Variants in GNA14 observed in about 807,000 individuals in gnomAD.
GNA14 encodes G protein subunit alpha 14, also known as guanine nucleotide-binding protein subunit alpha-14.
GNA14 carries 50 observed loss-of-function variants against 42.0 expected under a neutral mutation model. That is an observed-to-expected ratio of 1.19 (90% CI 0.95 to 1.51). The LOEUF (loss-of-function observed/expected upper bound fraction) is 1.51, where lower values mean the gene tolerates loss of function less well. Among genes scored for constraint, GNA14 ranks in the 40% most tolerant of loss-of-function variants. The pLI is 0.00. For missense variants in GNA14, 473 were observed against 446.2 expected (o/e 1.06, Z -0.54); for synonymous variants, 173 against 163.1 (o/e 1.06, Z -0.46).
chr9:77,424,236 T>C (rs1043816405), intron 6 of GNA14, 67 bp from the exon 7 acceptor site: 9 of 1,141,034 alleles, frequency 7.9e-6, no homozygotes, highest in Admixed American at 4.3e-5. Context: ...AAGAACCTTT[T>C]TTTTGAGACA....
rs71358606 is a variant in GNA14, at chr9:77,501,713, C to CTTTTTT, written c.309+27350_309+27355dup. 5.3e-3 allele frequency among the ~76,000 whole-genome samples: 686 copies of CTTTTTT among 130,402 alleles called. 35 individuals carry two copies. The highest frequency in any genetic ancestry group is 0.019 in the African/African-American group (631 of 33,680). The allele number at this position is 130,402 out of a possible 152,430, so 85.5% of individuals were successfully genotyped here. On this transcript the variant is annotated intron_variant, in intron 2 of 6. Transcript: ENST00000341700. ...CTTTGTTGTTCAGATTGGATAATTT[C>CTTTTTT]TTTTTTTTTTTTTTTGAGATGGAGT...
At chr9:77,602,182 G>C (rs1162336979) in intron 1 of GNA14, among the ~76,000 whole-genome samples, 8 of 152,188 alleles carry the variant, frequency 5.3e-5, no homozygotes, top group Admixed American at 3.3e-4. Context: ...TTTGATTGCT[G>C]ACTGCCGTAA....
At chr9:77,534,568 T>C (rs979235459) in intron 1 of GNA14, among the ~76,000 whole-genome samples, 2 of 152,180 alleles carry the variant, frequency 1.3e-5, no homozygotes, top group African/African-American at 2.4e-5. Flanking sequence ...TCTGAAACCA[T>C]CGTGAGAAGC....
intron 2 of GNA14, among the ~76,000 whole-genome samples, chr9:77,515,983 A>AAAAAAAAAAAAAAAAAAAAAC (rs1276481734): frequency 1.4e-5 from 2 of 145,354 alleles, no homozygotes; most frequent in East Asian, 2.2e-4. Context: ...AAAAAAAAAA[A>AAAAAAAAAAAAAAAAAAAAAC]CCCAGAGCAG....
chr9:77,479,036 A>AT (rs1005909305), intron 2 of GNA14, among the ~76,000 whole-genome samples: 10 of 152,138 alleles, frequency 6.6e-5, no homozygotes, highest in Admixed American at 1.3e-4. Context: ...ATTAGATCCC[A>AT]TTTGTCAATT....
At chr9:77,460,077 A>G (rs968525680) in intron 2 of GNA14, among the ~76,000 whole-genome samples, 1 of 152,058 alleles carries the variant, frequency 6.6e-6, no homozygotes, top group East Asian at 1.9e-4. Context: ...AATTCTTCCA[A>G]ACTCTAGTGA....
chr9:77,426,973 G>T (rs968780381), intron 5 of GNA14, among the ~76,000 whole-genome samples: 1 of 152,100 alleles, frequency 6.6e-6, no homozygotes, highest in Non-Finnish European at 1.5e-5. Context: ...AGTACGCATT[G>T]GGGGAATTAC....
At chr9:77,456,073 T>C (rs1835994463) in intron 2 of GNA14, among the ~76,000 whole-genome samples, 1 of 152,242 alleles carries the variant, frequency 6.6e-6, no homozygotes. Flanking sequence ...GAGCCATTAT[T>C]GTGACCACCT....
At chr9:77,508,831 G>A (rs1837112173) in intron 2 of GNA14, among the ~76,000 whole-genome samples, 1 of 152,206 alleles carries the variant, frequency 6.6e-6, no homozygotes, top group Admixed American at 6.5e-5. Context: ...GGATGCAGAA[G>A]TAGCTTGAAG....
At chr9:77,620,106 A>G (rs1823897407) in intron 1 of GNA14, among the ~76,000 whole-genome samples, 1 of 152,156 alleles carries the variant, frequency 6.6e-6, no homozygotes, top group Non-Finnish European at 1.5e-5. Flanking sequence ...ACACGTGCAC[A>G]CACACACACA....
chr9:77,498,539 AT>A (rs1477396831), intron 2 of GNA14, among the ~76,000 whole-genome samples: 1 of 152,200 alleles, frequency 6.6e-6, no homozygotes, highest in African/African-American at 2.4e-5. Flanking sequence ...CCTAAGAGCC[AT>A]CTCCTAGGGT....
chr9:77,644,695 G>A (rs1187748037), intron 1 of GNA14, among the ~76,000 whole-genome samples: 2 of 136,294 alleles, frequency 1.5e-5, no homozygotes, highest in African/African-American at 6.8e-5. Context: ...AGCCATATCT[G>A]TTAAATGCTC....
chr9:77,448,227 A>C (rs546235624), intron 2 of GNA14, among the ~76,000 whole-genome samples: 2 of 152,238 alleles, frequency 1.3e-5, no homozygotes, highest in East Asian at 3.9e-4. Context: ...AGCCATTTAC[A>C]GAAAATGTTT....
At chr9:77,601,085 C>T (rs946648591) in intron 1 of GNA14, among the ~76,000 whole-genome samples, 1 of 152,226 alleles carries the variant, frequency 6.6e-6, no homozygotes, top group African/African-American at 2.4e-5. Flanking sequence ...GGAGCGTGGG[C>T]TCTTCAGCTC....
intron 2 of GNA14, among the ~76,000 whole-genome samples, chr9:77,468,085 G>C (rs933883151): frequency 6.6e-6 from 1 of 152,188 alleles, no homozygotes; most frequent in African/African-American, 2.4e-5. Flanking sequence ...CCCTCTCAGA[G>C]GGGTCCTAGA....
At chr9:77,569,514 C>CT (rs890128913) in intron 1 of GNA14, among the ~76,000 whole-genome samples, 12 of 152,116 alleles carry the variant, frequency 7.9e-5, no homozygotes, top group African/African-American at 2.9e-4. Context: ...ACAGCTCCTG[C>CT]TCCCCAGGAG....
intron 1 of GNA14, among the ~76,000 whole-genome samples, chr9:77,595,836 G>C: frequency 6.6e-6 from 1 of 152,098 alleles, no homozygotes; most frequent in Non-Finnish European, 1.5e-5. Flanking sequence ...AAGGCAGTTA[G>C]GGATGTTTTC....
intron 1 of GNA14, among the ~76,000 whole-genome samples, chr9:77,579,013 C>T (rs1478170374): frequency 6.6e-6 from 1 of 152,206 alleles, no homozygotes; most frequent in Non-Finnish European, 1.5e-5. Flanking sequence ...TGCTGGGCCA[C>T]TGCCTCTGCT....
rs748840968 is a variant in GNA14, at chr9:77,424,003, G to A, written c.1044C>T (p.Asn348=). The part of the protein sequence containing the change: ...AAVKDTILQL[N]LREFNLV The stretch of plus-strand genomic sequence containing the variant: ...TTTAGACAAGGTTGAATTCCCTTAG[G>A]TTTAGCTGTAGAATTGTGTCTTTGA... Residue 348 remains asparagine, a synonymous_variant, in exon 7 of 7, where the codon AAC becomes AAT. Transcript: ENST00000341700. 2 of 1,606,196 alleles carry A rather than the reference G, an allele frequency of 1.2e-6. No homozygotes were observed. Among genetic ancestry groups the A allele is most frequent in the Non-Finnish European group, 1.7e-6 (2 of 1,175,572 alleles).
Sources: gnomAD v4.1 joint callset for allele counts (sites outside exome capture counted in the v4.1 genomes callset) on GRCh38, gnomAD v4.1.1 for gene constraint, MANE v1.5 for transcripts, NCBI Gene and HGNC (gene_info 2026-07-23, HGNC 2026-07-21) for gene names.